Variants in RPA3 observed in about 807,000 individuals in gnomAD.
RPA3 encodes replication protein A3.
In RPA3, 24 loss-of-function variants were observed where a neutral mutation model predicts 13.7. The ratio of observed to expected loss-of-function variants is 1.75; its 90% CI spans 1.27 to 2.46. The LOEUF (loss-of-function observed/expected upper bound fraction) is 2.46, where lower values mean the gene tolerates loss of function less well. RPA3 is among the 30% of genes most tolerant of loss of function. RPA3 has a pLI of 0.00. For synonymous variants in RPA3, 59 were observed against 51.2 expected, an observed-to-expected ratio of 1.15 and a Z score of -0.65; for missense variants, 183 against 151.0, an observed-to-expected ratio of 1.21 and a Z score of -1.11.
intron 2 of RPA3, among the ~76,000 whole-genome samples, chr7:7,704,345 C>G (rs921925668): frequency 2.6e-5 from 4 of 151,980 alleles, no homozygotes; most frequent in Admixed American, 1.3e-4. Context: ...GTTTTGATTT[C>G]TAATATGAAA....
chr7:7,645,302 A>C (rs1785068887), intron 4 of RPA3, among the ~76,000 whole-genome samples: 2 of 152,238 alleles, frequency 1.3e-5, no homozygotes, highest in South Asian at 4.1e-4. Flanking sequence ...CTGCATAAAC[A>C]AAAGTATCTT....
chr7:7,668,506 A>G lies in RPA3; in HGVS notation c.-758+17324T>C, dbSNP rs1029713849. ...GCTAATCTCTTAGTGTGCCTAATTT[A>G]TAAATTAAACTTTATCATAGATGTG... On this transcript the variant is annotated intron_variant, in intron 4 of 7. Transcript: ENST00000223129. 2.0e-5 allele frequency among the ~76,000 whole-genome samples: 3 copies of G among 152,308 alleles called. No individual in the cohort carries two copies. The East Asian group carries it at 5.8e-4, about 29-fold the overall frequency.
intron 4 of RPA3, among the ~76,000 whole-genome samples, chr7:7,685,102 A>G (rs529426689): frequency 1.4e-4 from 21 of 152,196 alleles, no homozygotes; most frequent in Admixed American, 4.6e-4. Flanking sequence ...TGAGGATGAG[A>G]CTCTAAGTAA....
chr7:7,667,526 C>T (rs1779496571), intron 4 of RPA3, among the ~76,000 whole-genome samples: 1 of 152,006 alleles, frequency 6.6e-6, no homozygotes, highest in Admixed American at 6.6e-5. Context: ...AGTTTTTTTT[C>T]CCTAAATGTA....
Position 7,640,427 on chromosome 7 carries a change from T to G in RPA3, c.-9A>C, listed in dbSNP as rs1784940058. On this transcript the variant is annotated 5_prime_UTR_variant, in exon 5 of 8. Transcript: ENST00000223129. ...TCCATCATGTCCACCATGATTATGG[T>G]CCAAGACTGCGGCTGGCGGGAAACC... 4 of 1,613,222 alleles carry G rather than the reference T, an allele frequency of 2.5e-6. No homozygotes were observed. In the East Asian group the frequency reaches 8.9e-5, roughly 36 times the overall value.
At chr7:7,676,482 TG>T (rs1404703813) in intron 4 of RPA3, among the ~76,000 whole-genome samples, 1 of 152,180 alleles carries the variant, frequency 6.6e-6, no homozygotes, top group Admixed American at 6.5e-5. Flanking sequence ...TCCATCTTTT[TG>T]TAAAAAAAGT....
intron 2 of RPA3, among the ~76,000 whole-genome samples, chr7:7,709,781 GT>G (rs563873791): frequency 0.14 from 21,176 of 148,548 alleles, 1,829 homozygotes; most frequent in Middle Eastern, 0.2. Flanking sequence ...ACCTTTTAAA[GT>G]TTTTTTTTTT....
At chr7:7,701,437 C>G (rs544183020) in intron 2 of RPA3, among the ~76,000 whole-genome samples, 103 of 152,264 alleles carry the variant, frequency 6.8e-4, no homozygotes, top group African/African-American at 2.5e-3. Context: ...CTGGAACTGT[C>G]CTGCTCAACT....
At chr7:7,681,536 A>G (rs1348783551) in intron 4 of RPA3, among the ~76,000 whole-genome samples, 1 of 152,164 alleles carries the variant, frequency 6.6e-6, no homozygotes, top group Admixed American at 6.5e-5. Flanking sequence ...GTTCTTGTAG[A>G]AAAACATCCT....
chr7:7,692,716 T>A (rs28912721), intron 2 of RPA3, among the ~76,000 whole-genome samples: 138 of 152,210 alleles, frequency 9.1e-4, no homozygotes, highest in African/African-American at 3.1e-3. Context: ...TTCAAGTGAT[T>A]CTCCTGCCTC....
chr7:7,688,596 T>C (rs1483982587), intron 2 of RPA3, among the ~76,000 whole-genome samples: 2 of 152,250 alleles, frequency 1.3e-5, no homozygotes, highest in African/African-American at 4.8e-5. Flanking sequence ...AGTTTCTAGA[T>C]AGCTCTCTTT....
chr7:7,691,745 C>G (rs989291917), intron 2 of RPA3, among the ~76,000 whole-genome samples: 1 of 152,200 alleles, frequency 6.6e-6, no homozygotes, highest in East Asian at 1.9e-4. Context: ...CTAATTTATT[C>G]TAATCTTTAT....
intron 4 of RPA3, among the ~76,000 whole-genome samples, chr7:7,654,390 T>G (rs1176720456): frequency 1.3e-5 from 2 of 152,226 alleles, no homozygotes; most frequent in Non-Finnish European, 2.9e-5. Context: ...AAGATGACTT[T>G]ATCATATGGA....
At chr7:7,684,160 G>C (rs1412455223) in intron 4 of RPA3, among the ~76,000 whole-genome samples, 1 of 151,744 alleles carries the variant, frequency 6.6e-6, no homozygotes, top group Non-Finnish European at 1.5e-5. Flanking sequence ...ATTGTTTGAG[G>C]AATAATGACA....
chr7:7,650,156 T>G (rs1420674667), intron 4 of RPA3, among the ~76,000 whole-genome samples: 1 of 152,250 alleles, frequency 6.6e-6, no homozygotes, highest in South Asian at 2.1e-4. Flanking sequence ...TTTTATGCTG[T>G]TGTCTAGAGA....
intron 2 of RPA3, chr7:7,692,448 C>A: frequency 6.6e-6 from 1 of 152,312 alleles, no homozygotes; most frequent in Non-Finnish European, 1.5e-5. Context: ...ATGCTATGGG[C>A]ACCCACCTGC....
intron 2 of RPA3, among the ~76,000 whole-genome samples, chr7:7,690,506 T>G (rs1168165409): frequency 1.3e-5 from 2 of 152,176 alleles, no homozygotes; most frequent in Non-Finnish European, 2.9e-5. Context: ...AAATGTTTAC[T>G]TTTTTATTAT....
chr7:7,659,012 C>A (rs1040980634), intron 4 of RPA3, among the ~76,000 whole-genome samples: 8 of 152,140 alleles, frequency 5.3e-5, no homozygotes, highest in Non-Finnish European at 8.8e-5. Flanking sequence ...AGGGATTCGA[C>A]TTCTTCCTGG....
At chr7:7,645,608 G>A (rs1051265537) in intron 4 of RPA3, among the ~76,000 whole-genome samples, 2 of 152,066 alleles carry the variant, frequency 1.3e-5, no homozygotes, top group Non-Finnish European at 2.9e-5. Flanking sequence ...TTAGATTAAG[G>A]AATTTTCCTT....
Sources: allele counts gnomAD v4.1 joint callset (sites outside exome capture counted in the v4.1 genomes callset), GRCh38; gene constraint gnomAD v4.1.1; transcripts MANE v1.5; gene names NCBI Gene and HGNC (gene_info 2026-07-23, HGNC 2026-07-21).